Variants in AFF3 observed in about 807,000 individuals in gnomAD.
AFF3 encodes AF4/FMR2 family member 3.
Under a neutral mutation model 129.7 loss-of-function variants are expected in AFF3, and 32 were observed. That is an observed-to-expected ratio of 0.25 (90% CI 0.19 to 0.33). The LOEUF is 0.33. Among genes scored for constraint, AFF3 ranks in the 10% least tolerant of loss-of-function variants. The probability of loss-of-function intolerance (pLI) is 1.00; values close to 1 mark genes in which losing one functional copy is unlikely to be tolerated. For synonymous variants in AFF3, 644 were observed against 635.4 expected (o/e 1.01, Z -0.20); for missense variants, 1,373 against 1,592.0 (o/e 0.86, Z 2.34).
In AFF3 at chr2:99,632,008, CTTTTTT is replaced by C. The variant is rs745651225; in HGVS notation, c.1184+17612_1184+17617del. The stretch of plus-strand genomic sequence containing the variant: ...CAATTTATCCACAACCTTGCCAACA[CTTTTTT>C]TTTTTTTTTTTTTTTTTTTTAGATA... On this transcript the variant is annotated intron_variant, in intron 13 of 24. Coordinates refer to ENST00000672756, the MANE Select transcript of AFF3 (RefSeq NM_001386135.1). Among the ~76,000 whole-genome samples, 6 of 76,908 alleles carry C rather than the reference CTTTTTT, an allele frequency of 7.8e-5. 2 individuals carry two copies. In the East Asian group the frequency reaches 2.0e-3, roughly 26 times the overall value. The allele number at this position is 76,908 out of a possible 152,430, so 50.5% of individuals were successfully genotyped here.
chr2:99,921,794 A>G (rs977768331), intron 7 of AFF3, among the ~76,000 whole-genome samples: 1 of 152,030 alleles, frequency 6.6e-6, no homozygotes, highest in Non-Finnish European at 1.5e-5. Context: ...ATGAGAGAAA[A>G]TATTTGCAAT....
intron 4 of AFF3, among the ~76,000 whole-genome samples, chr2:100,034,365 AAATT>A (rs1684745457): frequency 6.6e-6 from 1 of 152,224 alleles, no homozygotes. Flanking sequence ...TGCAAAAATA[AAATT>A]AAATATAGAA....
chr2:99,656,754 A>G (rs1685780526), intron 12 of AFF3, among the ~76,000 whole-genome samples: 1 of 152,142 alleles, frequency 6.6e-6, no homozygotes. Flanking sequence ...CCGTTTAGTA[A>G]TATCTGCAAG....
chr2:100,053,432 C>T (rs575470864), intron 4 of AFF3, among the ~76,000 whole-genome samples: 19 of 152,336 alleles, frequency 1.2e-4, no homozygotes, highest in South Asian at 6.2e-4. Flanking sequence ...TATCATTTTC[C>T]TCCAACATGA....
At chr2:99,895,094 A>T (rs555206338) in intron 7 of AFF3, among the ~76,000 whole-genome samples, 11 of 152,170 alleles carry the variant, frequency 7.2e-5, no homozygotes, top group Non-Finnish European at 1.6e-4. Flanking sequence ...CGATTTACTG[A>T]ACTTCTTCTG....
At chr2:99,675,294 GGC>G (rs1488289428) in intron 11 of AFF3, among the ~76,000 whole-genome samples, 3 of 152,178 alleles carry the variant, frequency 2.0e-5, no homozygotes, top group Non-Finnish European at 4.4e-5. Flanking sequence ...ATGAGAAAGT[GGC>G]CATGGAAACA....
At chr2:99,568,758 G>C in intron 19 of AFF3, 94 bp downstream of exon 19, 1 of 1,265,278 alleles carries the variant, frequency 7.9e-7, no homozygotes, top group South Asian at 1.2e-5. Flanking sequence ...CCTTGTAATA[G>C]ATTTTATAAT....
At chr2:99,702,400 C>T (rs886888099) in intron 11 of AFF3, among the ~76,000 whole-genome samples, 2 of 152,120 alleles carry the variant, frequency 1.3e-5, no homozygotes, top group African/African-American at 4.8e-5. Flanking sequence ...AGTGCAGTGG[C>T]GCCATCCCAG....
rs566222464 is a variant in AFF3, at chr2:100,003,538, T to C, written c.873+3094A>G. On this transcript the variant is annotated intron_variant, in intron 7 of 24. Coordinates refer to ENST00000672756, the MANE Select transcript of AFF3 (RefSeq NM_001386135.1). ...ACAACAACAAAAATATGTTTTTCAT[T>C]AAACACAAAACTGAGTCGGAAAAAG... Among the ~76,000 whole-genome samples, 16 of 152,272 alleles carry C rather than the reference T, an allele frequency of 1.1e-4. No individual in the cohort carries two copies. In the South Asian group the frequency reaches 2.1e-3, roughly 20 times the overall value.
chr2:99,868,376 T>C (rs2105948487), intron 7 of AFF3, among the ~76,000 whole-genome samples: 1 of 152,258 alleles, frequency 6.6e-6, no homozygotes. Flanking sequence ...TATTCAACAT[T>C]AGCTGCAACC....
At chr2:100,110,804 A>G (rs2105527324) in intron 2 of AFF3, among the ~76,000 whole-genome samples, 1 of 152,302 alleles carries the variant, frequency 6.6e-6, no homozygotes, top group Non-Finnish European at 1.5e-5. Context: ...CCTTGATAGC[A>G]AAACCTGAGT....
intron 9 of AFF3, among the ~76,000 whole-genome samples, chr2:99,746,460 T>G (rs2105159363): frequency 6.6e-6 from 1 of 152,314 alleles, no homozygotes; most frequent in Middle Eastern, 3.4e-3. Flanking sequence ...GTAGGAAAAT[T>G]GAGACGGGAA....
At chr2:100,011,457 T>C in intron 4 of AFF3, 1 of 780,838 alleles carries the variant, frequency 1.3e-6, no homozygotes, top group Non-Finnish European at 2.4e-6. Flanking sequence ...TGAGAATGAT[T>C]TCTGGGCTTC....
At chr2:99,602,005 C>G (rs536249362) in intron 13 of AFF3, among the ~76,000 whole-genome samples, 45 of 152,294 alleles carry the variant, frequency 3.0e-4, no homozygotes, top group Non-Finnish European at 5.3e-4. Context: ...ATCCAAAAAG[C>G]TTGAACTATT....
intron 4 of AFF3, among the ~76,000 whole-genome samples, chr2:100,017,855 C>T (rs1683261065): frequency 6.6e-6 from 1 of 152,186 alleles, no homozygotes; most frequent in Non-Finnish European, 1.5e-5. Context: ...TTCTTAGACT[C>T]TGCTCCACTG....
intron 13 of AFF3, among the ~76,000 whole-genome samples, chr2:99,638,446 C>T (rs1414439864): frequency 1.8e-5 from 2 of 113,570 alleles, no homozygotes; most frequent in Admixed American, 1.1e-4. Context: ...TGGGGGACTC[C>T]GGTGGTGGGG....
chr2:100,122,011 G>A lies in AFF3; in HGVS notation c.-145+7213C>T, dbSNP rs6711703. On this transcript the variant is annotated intron_variant, in intron 2 of 24. Coordinates refer to ENST00000672756, the MANE Select transcript of AFF3 (RefSeq NM_001386135.1). ...CGGGAAGCGGAGCTTGCAGTGAGCC[G>A]AGATTGCGCCACTGCAGTCCGCAGT... 2.1e-3 allele frequency among the ~76,000 whole-genome samples: 327 copies of A among 152,324 alleles called. 1 individual carries two copies. The highest frequency in any genetic ancestry group is 7.4e-3 in the African/African-American group (309 of 41,578).
intron 11 of AFF3, among the ~76,000 whole-genome samples, chr2:99,688,934 C>T (rs1271732185): frequency 3.3e-5 from 5 of 152,158 alleles, no homozygotes; most frequent in African/African-American, 9.7e-5. Context: ...TGTGCCTCCA[C>T]CTTGACTGGC....
chr2:99,994,387 T>C (rs1311150159), intron 7 of AFF3, among the ~76,000 whole-genome samples: 5 of 152,210 alleles, frequency 3.3e-5, no homozygotes, highest in Non-Finnish European at 7.3e-5. Context: ...GACACTGTCA[T>C]CTCTGAAATG....
Sources: gnomAD v4.1 joint callset for allele counts (sites outside exome capture counted in the v4.1 genomes callset) on GRCh38, gnomAD v4.1.1 for gene constraint, MANE v1.5 for transcripts, NCBI Gene and HGNC (gene_info 2026-07-23, HGNC 2026-07-21) for gene names.